RLF: variants seen among roughly 807,000 people sequenced by gnomAD.
RLF encodes the protein RLF zinc finger, also known as zinc finger protein Rlf.
In RLF, 7 loss-of-function variants were observed where a neutral mutation model predicts 162.9. That is an observed-to-expected ratio of 0.04 (90% CI 0.02 to 0.08). RLF has a LOEUF of 0.08. Ranked by LOEUF, RLF falls within the 10% of genes least tolerant of loss-of-function variation. The pLI, the probability that RLF is intolerant of heterozygous loss-of-function variation, is 1.00. For synonymous variants in RLF, 782 were observed against 791.5 expected, an observed-to-expected ratio of 0.99 and a Z score of 0.20; for missense variants, 1,664 against 2,244.7, an observed-to-expected ratio of 0.74 and a Z score of 5.23.
intron 7 of RLF, 151 bp from the exon 8 acceptor site, chr1:40,235,641 G>C (rs1286773443): frequency 3.4e-6 from 2 of 596,128 alleles, no homozygotes; most frequent in Non-Finnish European, 5.7e-6. Flanking sequence ...GTTGAGACAA[G>C]AAATATCTAA....
At chr1:40,186,490 T>C (rs1642481823) in intron 1 of RLF, among the ~76,000 whole-genome samples, 1 of 152,198 alleles carries the variant, frequency 6.6e-6, no homozygotes, top group Non-Finnish European at 1.5e-5. Flanking sequence ...TTGTGTAGCT[T>C]ACAGAAGTCC....
rs1216547109 is a variant in RLF, at chr1:40,239,077, A to C, written c.4375A>C (p.Ser1459Arg). The change falls in exon 8 of 8, where the codon AGT (serine) becomes CGT (arginine). Residue 1459 changes from serine (S) to arginine (R), a missense_variant. This residue lies in a region of RLF where 200 missense variants were observed against 207.3 expected (regional missense o/e 0.96). Transcript: ENST00000372771. ...NGCGQIFTHR[S>R]NYSQHVYYRH... ...CTGTGGCCAGATTTTCACCCATCGC[A>C]GTAATTACTCACAACATGTATATTA... 1 of 1,614,188 alleles carries C rather than the reference A, an allele frequency of 6.2e-7. No individual in the cohort carries two copies. Among genetic ancestry groups the C allele is most frequent in the Non-Finnish European group, 8.5e-7 (1 of 1,180,022 alleles).
chr1:40,171,674 A>C (rs908465126), intron 1 of RLF, among the ~76,000 whole-genome samples: 1 of 152,228 alleles, frequency 6.6e-6, no homozygotes, highest in Admixed American at 6.5e-5. Flanking sequence ...AGATAGTGAA[A>C]GTACCATATA....
At chr1:40,200,884 A>G (rs1303238388) in intron 4 of RLF, among the ~76,000 whole-genome samples, 2 of 90,046 alleles carry the variant, frequency 2.2e-5, no homozygotes, top group Non-Finnish European at 4.5e-5. Flanking sequence ...ACACACACAC[A>G]CACACACACA....
In RLF at chr1:40,190,950, T is replaced by G. The variant is rs1258514604; in HGVS notation, c.474+97T>G. The G allele has an allele frequency of 4.7e-6, 3 of 639,076 alleles. No individual in the cohort carries two copies. The South Asian group carries it at 7.0e-5, about 15-fold the overall frequency. The allele number at this position is 639,076 out of a possible 1,614,324, so 39.6% of individuals were successfully genotyped here. A position where few individuals can be genotyped will look rare whatever the true frequency, so the allele number is the denominator to read the frequency against. ...ATTGGAACCTTAGAACAAAAACAAG[T>G]TTATTATATATTGATATTAGGTCAT... On this transcript the variant is annotated intron_variant, in intron 3 of 7. Transcript: ENST00000372771.
chr1:40,239,821 A>T lies in RLF; in HGVS notation c.5119A>T (p.Thr1707Ser), dbSNP rs1643268693. 1 of 1,614,010 alleles carries T rather than the reference A, an allele frequency of 6.2e-7. No individual in the cohort carries two copies. The highest frequency in any genetic ancestry group is 1.7e-5 in the Admixed American group (1 of 60,008). Residue 1707 changes from threonine (T) to serine (S), a missense_variant, in exon 8 of 8, where the codon ACT becomes TCT. By Grantham distance (58) the Thr-to-Ser change is moderately conservative. This residue lies in a region of RLF where 327 missense variants were observed against 342.7 expected (regional missense o/e 0.95). Transcript: ENST00000372771. Reference protein sequence around the residue: ...IENSIPNPNGTESGTYFTSFQ... With the variant: ...IENSIPNPNGSESGTYFTSFQ... Reference sequence around the variant, plus strand: ...AAATTCCATACCTAATCCCAATGGGACTGAAAGTGGGACTTATTTCACAAG... The same window carrying T: ...AAATTCCATACCTAATCCCAATGGGTCTGAAAGTGGGACTTATTTCACAAG...
At chr1:40,170,140 T>C (rs549355366) in intron 1 of RLF, among the ~76,000 whole-genome samples, 4 of 152,230 alleles carry the variant, frequency 2.6e-5, no homozygotes, top group South Asian at 2.1e-4. Flanking sequence ...GCTTTTTTTT[T>C]CCACTACAAT....
chr1:40,234,309 G>A (rs963298723), intron 7 of RLF, among the ~76,000 whole-genome samples: 7 of 152,124 alleles, frequency 4.6e-5, no homozygotes, highest in South Asian at 2.1e-4. Context: ...GCAACTTAAC[G>A]TTCTGAGTGT....
rs766984875 is a variant in RLF at position 40,237,824 on chromosome 1, G to T, written c.3122G>T (p.Gly1041Val). ...ATTAAATGTAAACGAGAACATCAAG[G>T]TTATTCCTCAGAATCCTCCATTTGT... ...IHIKCKREHQ[G>V]YSSESSICAS... Residue 1041 changes from glycine (G) to valine (V), a missense_variant, in exon 8 of 8, where the codon GGT (glycine) becomes GTT (valine). Transcript: ENST00000372771. The surrounding 1 kb of genome is among the most constrained non-coding windows in gnomAD (Gnocchi z 4.4). 9 of 1,613,998 alleles carry T rather than the reference G, an allele frequency of 5.6e-6. No homozygotes were observed. Among genetic ancestry groups the T allele is most frequent in the Non-Finnish European group, 7.6e-6 (9 of 1,180,004 alleles).
At chr1:40,169,773 A>C (rs1297398825) in intron 1 of RLF, among the ~76,000 whole-genome samples, 3 of 147,954 alleles carry the variant, frequency 2.0e-5, no homozygotes, top group Non-Finnish European at 4.5e-5. Flanking sequence ...GCTCACTGCA[A>C]CCTCCGCCTC....
intron 5 of RLF, among the ~76,000 whole-genome samples, chr1:40,211,920 C>T (rs954225115): frequency 8.7e-4 from 132 of 152,212 alleles, no homozygotes; most frequent in African/African-American, 2.9e-3. Flanking sequence ...TGAGCCATCA[C>T]GCCCAGCCAC....
intron 4 of RLF, among the ~76,000 whole-genome samples, chr1:40,197,581 A>G (rs1253418873): frequency 2.0e-5 from 3 of 152,244 alleles, no homozygotes; most frequent in African/African-American, 7.2e-5. Context: ...GTTAACAGTA[A>G]TTAATCATTT....
rs1238440575 is a variant in RLF at position 40,238,886 on chromosome 1, C to T, written c.4184C>T (p.Pro1395Leu). 1 of 1,614,078 alleles carries T rather than the reference C, an allele frequency of 6.2e-7. No individual in the cohort carries two copies. The highest frequency in any genetic ancestry group is 1.3e-5 in the African/African-American group (1 of 74,948). Residue 1395 changes from proline to leucine, a missense_variant, in exon 8 of 8, where the codon CCT (proline) becomes CTT (leucine). Physicochemically the swap from Pro to Leu is moderately conservative, Grantham distance 98. This residue lies in a region of RLF where 200 missense variants were observed against 207.3 expected (regional missense o/e 0.96). Transcript: ENST00000372771. The surrounding 1 kb of genome is among the most constrained non-coding windows in gnomAD (Gnocchi z 5.2). ...DSHNLDHIEE[P>L]KVLSEAGSAA... is the part of the protein sequence containing the mutation. ...CATAACCTAGACCATATTGAAGAGC[C>T]TAAAGTACTTTCCGAAGCTGGATCT...
intron 5 of RLF, among the ~76,000 whole-genome samples, chr1:40,221,119 G>A (rs116361548): frequency 0.013 from 1,967 of 152,110 alleles, 42 homozygotes; most frequent in African/African-American, 0.045. Context: ...TGGCAACAGA[G>A]TAAGACACTG....
intron 1 of RLF, among the ~76,000 whole-genome samples, chr1:40,184,820 G>A (rs1432385696): frequency 6.6e-6 from 1 of 152,190 alleles, no homozygotes; most frequent in African/African-American, 2.4e-5. Context: ...TTTGTGGAAT[G>A]AGTTTACTGA....
Position 40,239,463 on chromosome 1 carries a change from T to G in RLF, c.4761T>G (p.Asn1587Lys). The change falls in exon 8 of 8, where the codon AAT (asparagine) becomes AAG (lysine). Residue 1587 changes from asparagine to lysine, a missense_variant. Asn to Lys is a moderately conservative substitution (Grantham distance 94, BLOSUM62 0). Around this residue, in one of 15 missense-constraint regions of RLF, gnomAD observed 327 missense variants for 342.7 expected, o/e 0.95. Transcript: ENST00000372771. ...CCTATTTAGAGCAACAGATGGAGAATCTTGTTGTTTGCGTTAAGTACGGTA... is the reference window on the plus strand; with the variant it reads ...CCTATTTAGAGCAACAGATGGAGAAGCTTGTTGTTTGCGTTAAGTACGGTA... ...SSAYLEQQME[N>K]LVVCVKYGTK... 1 of 1,613,988 alleles carries G rather than the reference T, an allele frequency of 6.2e-7. No individual in the cohort carries two copies.
rs61780452 is a variant in RLF, at chr1:40,192,975, C to T, written c.474+2122C>T. 3.6e-3 allele frequency among the ~76,000 whole-genome samples: 552 copies of T among 152,136 alleles called. 11 individuals are homozygous for T. Among genetic ancestry groups the T allele is most frequent in the East Asian group, 0.031 (161 of 5,180 alleles). ...TGGTTTTTTACATAATAATCATGGA[C>T]ATACATCTAAGATTGCATATGTAGA... is the stretch of plus-strand genomic sequence containing the variant. On this transcript the variant is annotated intron_variant, in intron 3 of 7. Coordinates refer to ENST00000372771, the MANE Select transcript of RLF (RefSeq NM_012421.4).
intron 3 of RLF, among the ~76,000 whole-genome samples, chr1:40,192,587 A>C (rs1642574403): frequency 6.6e-6 from 1 of 152,196 alleles, no homozygotes; most frequent in South Asian, 2.1e-4. Flanking sequence ...TGAATAAAAT[A>C]GTTGCCTCTT....
At chr1:40,201,442 C>T (rs1005246263) in intron 4 of RLF, among the ~76,000 whole-genome samples, 6 of 151,552 alleles carry the variant, frequency 4.0e-5, no homozygotes, top group African/African-American at 7.3e-5. Flanking sequence ...TGGCTAACAA[C>T]GGTGAAACCC....
Sources: gnomAD v4.1 joint callset for allele counts (sites outside exome capture counted in the v4.1 genomes callset) on GRCh38, gnomAD v4.1.1 for gene constraint, gnomAD v4.1.1 regional missense constraint, Gnocchi (gnomAD v3.1) non-coding constraint, MANE v1.5 for transcripts, NCBI Gene and HGNC (gene_info 2026-07-23, HGNC 2026-07-21) for gene names.